The following DDIAS variants were observed in gnomAD, a reference collection of about 807,000 sequenced individuals.
The protein encoded by DDIAS is DNA damage-induced apoptosis suppressor protein.
Under a neutral mutation model 15.7 loss-of-function variants are expected in DDIAS, and 14 were observed. That is an observed-to-expected ratio of 0.89 (90% CI 0.59 to 1.39). The LOEUF (loss-of-function observed/expected upper bound fraction) is 1.39. Ranked by LOEUF, DDIAS falls within the 40% of genes most tolerant of loss-of-function variation. The probability of loss-of-function intolerance (pLI) is 0.00; values close to 1 mark genes in which losing one functional copy is unlikely to be tolerated. For missense variants in DDIAS, 1,035 were observed against 1,130.9 expected (o/e 0.92, Z 1.22); for synonymous variants, 355 against 395.9 (o/e 0.90, Z 1.23).
At chr11:82,924,774 C>T (rs976069130) in intron 3 of DDIAS, among the ~76,000 whole-genome samples, 1 of 151,666 alleles carries the variant, frequency 6.6e-6, no homozygotes, top group African/African-American at 2.4e-5. Context: ...AAGATCATAC[C>T]GTTGCACTCC....
At position 82,933,201 on chromosome 11, in the gene DDIAS, A is replaced by G. The variant is rs1861038711; in HGVS notation, c.1863A>G (p.Gln621=). 1 of 1,612,422 alleles carries G rather than the reference A, an allele frequency of 6.2e-7. No homozygotes were observed. Among genetic ancestry groups the G allele is most frequent in the African/African-American group, 1.3e-5 (1 of 74,870 alleles). Residue 621 remains glutamine (Q), a synonymous_variant, in exon 6 of 6, where the codon CAA becomes CAG. Coordinates refer to ENST00000533655, the MANE Select transcript of DDIAS (RefSeq NM_145018.4). The part of the protein sequence containing the change: ...NKQYCRWSKN[Q]DDSFTICRKL... ...AATATTGTAGGTGGTCCAAGAACCA[A>G]GATGACAGTTTTACAATTTGCAGGA...
Position 82,934,439 on chromosome 11 carries a change from C to A in DDIAS, c.*104C>A. On this transcript the variant is annotated 3_prime_UTR_variant, in exon 6 of 6. Coordinates refer to ENST00000533655, the MANE Select transcript of DDIAS (RefSeq NM_145018.4). Reference sequence around the variant, plus strand: ...TACATTTTGAACACTTGGAGAGAAGCAAATTGAAAACAGGACTCTGCTGGG... The same window carrying A: ...TACATTTTGAACACTTGGAGAGAAGAAAATTGAAAACAGGACTCTGCTGGG... The A allele has an allele frequency of 8.3e-7, 1 of 1,206,428 alleles. No homozygotes were observed. The highest frequency in any genetic ancestry group is 1.1e-6 in the Non-Finnish European group (1 of 878,126). The allele number at this position is 1,206,428 out of a possible 1,614,324, so 74.7% of individuals were successfully genotyped here. A position where few individuals can be genotyped will look rare whatever the true frequency, so the allele number is the denominator to read the frequency against.
intron 3 of DDIAS, among the ~76,000 whole-genome samples, chr11:82,915,521 T>C (rs1590802943): frequency 6.6e-6 from 1 of 152,120 alleles, no homozygotes; most frequent in Non-Finnish European, 1.5e-5. Flanking sequence ...CTAGTTAGCA[T>C]TGAATGGGGA....
chr11:82,925,143 C>G (rs1860833033), intron 3 of DDIAS, among the ~76,000 whole-genome samples: 1 of 152,140 alleles, frequency 6.6e-6, no homozygotes, highest in Admixed American at 6.5e-5. Context: ...CAATGCTGGT[C>G]TCTTCTTACT....
chr11:82,927,125 T>C (rs1290408882), intron 3 of DDIAS, among the ~76,000 whole-genome samples: 1 of 152,244 alleles, frequency 6.6e-6, no homozygotes. Flanking sequence ...AAATAATGTA[T>C]GTTGAAAACA....
Position 82,934,021 on chromosome 11 carries a change from C to T in DDIAS, c.2683C>T (p.Pro895Ser), listed in dbSNP as rs144839914. 4.3e-6 allele frequency: 7 copies of T among 1,613,752 alleles called. No homozygotes were observed. Among genetic ancestry groups the T allele is most frequent in the Non-Finnish European group, 5.9e-6 (7 of 1,179,958 alleles). Residue 895 changes from proline to serine, a missense_variant, in exon 6 of 6, where the codon CCT (proline) becomes TCT (serine). Physicochemically the swap from Pro to Ser is moderately conservative, Grantham distance 74. Transcript: ENST00000533655. ...GAAATGCCTTGCTGCCTATCATTTC[C>T]CTGATCAACAAGAGTTACCAAGAAA... is the stretch of plus-strand genomic sequence containing the variant. ...LGKCLAAYHF[P>S]DQQELPRKKL...
At chr11:82,906,237 G>A (rs1053419502) in intron 1 of DDIAS, among the ~76,000 whole-genome samples, 2 of 152,088 alleles carry the variant, frequency 1.3e-5, no homozygotes, top group African/African-American at 4.8e-5. Flanking sequence ...TAAATGGGAA[G>A]CCTTTTTGCC....
At chr11:82,912,880 C>T (rs956333539) in intron 1 of DDIAS, among the ~76,000 whole-genome samples, 1 of 151,982 alleles carries the variant, frequency 6.6e-6, no homozygotes, top group Non-Finnish European at 1.5e-5. Context: ...AATAACTGGC[C>T]TAATTTCAAT....
intron 4 of DDIAS, among the ~76,000 whole-genome samples, chr11:82,929,218 C>T (rs1860933040): frequency 6.6e-6 from 1 of 152,200 alleles, no homozygotes; most frequent in Non-Finnish European, 1.5e-5. Flanking sequence ...AAAGTAACAT[C>T]ATTTCAAATT....
chr11:82,923,589 A>T (rs1860800484), intron 3 of DDIAS, among the ~76,000 whole-genome samples: 1 of 152,166 alleles, frequency 6.6e-6, no homozygotes, highest in South Asian at 2.1e-4. Flanking sequence ...GTAGTTTTCA[A>T]TCTATAGGTA....
chr11:82,904,681 C>G (rs971894912), intron 1 of DDIAS, among the ~76,000 whole-genome samples: 1 of 152,132 alleles, frequency 6.6e-6, no homozygotes, highest in Non-Finnish European at 1.5e-5. Flanking sequence ...GAGTTGGAGC[C>G]CAGCAATCTG....
chr11:82,905,064 G>A (rs1312737646), intron 1 of DDIAS, among the ~76,000 whole-genome samples: 1 of 152,214 alleles, frequency 6.6e-6, no homozygotes, highest in Non-Finnish European at 1.5e-5. Context: ...GAGAAAGCAA[G>A]TATTCCAGAA....
In DDIAS at chr11:82,922,904, C is replaced by G. The variant is rs190587330; in HGVS notation, c.114-5873C>G. ...GTTCCCTTGATGTGATACTCTCCCCCCTTTTCCTATGGATGTAGCTTCCTA... is the reference window on the plus strand; with the variant it reads ...GTTCCCTTGATGTGATACTCTCCCCGCTTTTCCTATGGATGTAGCTTCCTA... On this transcript the variant is annotated intron_variant, in intron 3 of 5. Coordinates refer to ENST00000533655, the MANE Select transcript of DDIAS (RefSeq NM_145018.4). Among the ~76,000 whole-genome samples, 17 of 152,288 alleles carry G rather than the reference C, an allele frequency of 1.1e-4. No individual in the cohort carries two copies. The East Asian group carries it at 1.9e-3, about 17-fold the overall frequency.
chr11:82,933,026 C>T lies in DDIAS; in HGVS notation c.1688C>T (p.Pro563Leu), dbSNP rs773940319. 5 of 1,607,970 alleles carry T rather than the reference C, an allele frequency of 3.1e-6. No homozygotes were observed. The highest frequency in any genetic ancestry group is 4.2e-6 in the Non-Finnish European group (5 of 1,179,358). ...VTLKKTIRIS[P>L]HRESDHSSLN... is the part of the protein sequence containing the mutation. ...CTTAAGAAGACTATCAGAATCTCAC[C>T]ACACAGGGAGAGTGACCATTCTAGT... The change falls in exon 6 of 6, where the codon CCA (proline) becomes CTA (leucine). Residue 563 changes from proline (P) to leucine (L), a missense_variant. Pro to Leu is a moderately conservative substitution (Grantham distance 98). Coordinates refer to ENST00000533655, the MANE Select transcript of DDIAS (RefSeq NM_145018.4).
Position 82,933,729 on chromosome 11 carries a change from T to G in DDIAS, c.2391T>G (p.Phe797Leu), listed in dbSNP as rs137946617. 44 of 1,613,238 alleles carry G rather than the reference T, an allele frequency of 2.7e-5. No individual in the cohort carries two copies. In the African/African-American group the frequency reaches 5.7e-4, roughly 21 times the overall value. Residue 797 changes from phenylalanine to leucine, a missense_variant, in exon 6 of 6, where the codon TTT becomes TTG. By Grantham distance (22) the Phe-to-Leu change is conservative (BLOSUM62 0). Transcript: ENST00000533655. ...GINRAFKKPVFYSDLDGNYEK... is the reference protein window; with the variant it reads ...GINRAFKKPVLYSDLDGNYEK... ...ACAGAGCTTTCAAAAAACCTGTATT[T>G]TATTCAGATCTTGATGGTAACTATG...
chr11:82,933,695 A>G lies in DDIAS; in HGVS notation c.2357A>G (p.His786Arg), dbSNP rs778464218. Reference protein sequence around the residue: ...PISGFHQTRIHGINRAFKKPV... With the variant: ...PISGFHQTRIRGINRAFKKPV... ...TCAGGGTTCCACCAAACAAGAATTC[A>G]TGGGATAAACAGAGCTTTCAAAAAA... Residue 786 changes from histidine (H) to arginine (R), a missense_variant, in exon 6 of 6, where the codon CAT (histidine) becomes CGT (arginine). Transcript: ENST00000533655. 1 of 1,614,128 alleles carries G rather than the reference A, an allele frequency of 6.2e-7. No individual in the cohort carries two copies. Among genetic ancestry groups the G allele is most frequent in the East Asian group, 2.2e-5 (1 of 44,878 alleles).
At position 82,933,202 on chromosome 11, in the gene DDIAS, G is replaced by A; in HGVS notation, c.1864G>A (p.Asp622Asn). 1 of 1,612,492 alleles carries A rather than the reference G, an allele frequency of 6.2e-7. No homozygotes were observed. The stretch of plus-strand genomic sequence containing the variant: ...ATATTGTAGGTGGTCCAAGAACCAA[G>A]ATGACAGTTTTACAATTTGCAGGAA... The part of the protein sequence containing the change: ...KQYCRWSKNQ[D>N]DSFTICRKLT... Residue 622 changes from aspartate (D) to asparagine (N), a missense_variant, in exon 6 of 6, where the codon GAT becomes AAT. Asp to Asn is a conservative substitution (Grantham distance 23). Transcript: ENST00000533655.
At chr11:82,904,226 A>T (rs950160409) in intron 1 of DDIAS, among the ~76,000 whole-genome samples, 4 of 152,240 alleles carry the variant, frequency 2.6e-5, no homozygotes, top group Non-Finnish European at 5.9e-5. Flanking sequence ...ATGCCAGTTT[A>T]CACTAAATAC....
chr11:82,912,168 T>C (rs116170652), intron 1 of DDIAS, among the ~76,000 whole-genome samples: 3,178 of 152,238 alleles, frequency 0.021, 106 homozygotes, highest in African/African-American at 0.072. Flanking sequence ...ACCAGCTGCA[T>C]TCACCCCTAA....
Sources: gnomAD v4.1 joint callset for allele counts (sites outside exome capture counted in the v4.1 genomes callset) on GRCh38, gnomAD v4.1.1 for gene constraint, MANE v1.5 for transcripts, NCBI Gene and HGNC (gene_info 2026-07-23, HGNC 2026-07-21) for gene names.